Variants in SLC24A3 observed in about 807,000 individuals in gnomAD.
The protein encoded by SLC24A3 is sodium/potassium/calcium exchanger 3.
SLC24A3 carries 28 observed loss-of-function variants against 75.8 expected under a neutral mutation model. The ratio of observed to expected loss-of-function variants is 0.37; its 90% CI spans 0.27 to 0.51. The LOEUF (loss-of-function observed/expected upper bound fraction) is 0.51. Ranked by LOEUF, SLC24A3 falls within the 20% of genes least tolerant of loss-of-function variation. The pLI is 0.94. For missense variants in SLC24A3, 663 were observed against 847.8 expected, an observed-to-expected ratio of 0.78 and a Z score of 2.71; for synonymous variants, 372 against 334.1, an observed-to-expected ratio of 1.11 and a Z score of -1.24.
At chr20:19,686,812 C>A (rs11697432) in intron 12 of SLC24A3, among the ~76,000 whole-genome samples, 3,619 of 152,278 alleles carry the variant, frequency 0.024, 57 homozygotes, top group South Asian at 0.068. Flanking sequence ...ATTCCTATTC[C>A]CCCAGGTCCC....
intron 6 of SLC24A3, 38 bp from the exon 7 acceptor site, chr20:19,654,024 T>C (rs1046038890): frequency 1.9e-6 from 3 of 1,557,122 alleles, no homozygotes; most frequent in Non-Finnish European, 2.7e-6. Flanking sequence ...ATTTGTACAG[T>C]CTATATCCTG....
chr20:19,524,755 T>A (rs1278231864), intron 3 of SLC24A3, among the ~76,000 whole-genome samples: 2 of 152,228 alleles, frequency 1.3e-5, no homozygotes, highest in Non-Finnish European at 2.9e-5. Flanking sequence ...CAGATCTGCA[T>A]AACATAGTTA....
chr20:19,663,411 TCC>T (rs1568689513), intron 7 of SLC24A3, among the ~76,000 whole-genome samples: 9 of 4,692 alleles, frequency 1.9e-3, no homozygotes, highest in Non-Finnish European at 4.2e-3. Flanking sequence ...CTCCTCCACC[TCC>T]TCCTCCTCCT....
At chr20:19,558,530 T>C (rs1370873587) in intron 3 of SLC24A3, among the ~76,000 whole-genome samples, 1 of 152,212 alleles carries the variant, frequency 6.6e-6, no homozygotes, top group Admixed American at 6.5e-5. Context: ...ACAGTGCATT[T>C]GGTTGTTGTC....
intron 2 of SLC24A3, among the ~76,000 whole-genome samples, chr20:19,381,578 G>A (rs1986182734): frequency 6.6e-6 from 1 of 152,210 alleles, no homozygotes; most frequent in Non-Finnish European, 1.5e-5. Flanking sequence ...CAGAGCTTCT[G>A]TTATTCTATA....
intron 2 of SLC24A3, among the ~76,000 whole-genome samples, chr20:19,485,123 A>T (rs532953327): frequency 2.6e-5 from 4 of 152,040 alleles, no homozygotes; most frequent in African/African-American, 4.8e-5. Context: ...ATTTCTGTCA[A>T]TTTTTTTTAA....
At chr20:19,478,852 A>G (rs536920397) in intron 2 of SLC24A3, among the ~76,000 whole-genome samples, 5 of 152,302 alleles carry the variant, frequency 3.3e-5, no homozygotes, top group African/African-American at 4.8e-5. Flanking sequence ...TGCATCCCCA[A>G]AATAAAGCCC....
intron 2 of SLC24A3, among the ~76,000 whole-genome samples, chr20:19,296,317 T>G (rs980478021): frequency 4.7e-5 from 7 of 148,928 alleles, no homozygotes; most frequent in African/African-American, 1.7e-4. Context: ...ATTCATGGAT[T>G]TTTTGAAGGG....
At chr20:19,219,315 T>C (rs1431504939) in intron 1 of SLC24A3, among the ~76,000 whole-genome samples, 1 of 152,162 alleles carries the variant, frequency 6.6e-6, no homozygotes, top group African/African-American at 2.4e-5. Context: ...TGAAGCTCTC[T>C]CAGTGGGATC....
At chr20:19,465,935 C>G (rs1395641185) in intron 2 of SLC24A3, among the ~76,000 whole-genome samples, 1 of 152,174 alleles carries the variant, frequency 6.6e-6, no homozygotes, top group Non-Finnish European at 1.5e-5. Context: ...TTTTAAAGCC[C>G]TCTAGGAGCT....
At chr20:19,598,606 C>A (rs1359126318) in intron 6 of SLC24A3, among the ~76,000 whole-genome samples, 1 of 151,914 alleles carries the variant, frequency 6.6e-6, no homozygotes, top group Non-Finnish European at 1.5e-5. Flanking sequence ...TGACTTTCTC[C>A]CACAGTGAAA....
At chr20:19,234,372 A>C (rs1027715640) in intron 1 of SLC24A3, among the ~76,000 whole-genome samples, 1 of 152,230 alleles carries the variant, frequency 6.6e-6, no homozygotes, top group African/African-American at 2.4e-5. Flanking sequence ...GCTGTGAAAC[A>C]GGGCAGCCAG....
At chr20:19,475,067 G>A (rs772293725) in intron 2 of SLC24A3, among the ~76,000 whole-genome samples, 13 of 152,156 alleles carry the variant, frequency 8.5e-5, no homozygotes, top group Non-Finnish European at 1.6e-4. Flanking sequence ...GGCTGGGCGC[G>A]GTGGCTCACG....
intron 12 of SLC24A3, among the ~76,000 whole-genome samples, chr20:19,688,200 T>G (rs1361824152): frequency 6.6e-6 from 1 of 152,122 alleles, no homozygotes; most frequent in Non-Finnish European, 1.5e-5. Context: ...GAGTCTGCAT[T>G]GCTAATCAAG....
intron 2 of SLC24A3, among the ~76,000 whole-genome samples, chr20:19,294,100 G>T (rs1367822738): frequency 6.6e-6 from 1 of 152,240 alleles, no homozygotes; most frequent in South Asian, 2.1e-4. Flanking sequence ...TGGATTCAAT[G>T]TAGTACTTGA....
At chr20:19,623,236 A>C (rs968494466) in intron 6 of SLC24A3, among the ~76,000 whole-genome samples, 1 of 152,248 alleles carries the variant, frequency 6.6e-6, no homozygotes, top group Admixed American at 6.5e-5. Flanking sequence ...ACATTGAAAA[A>C]GCCAGCACTG....
chr20:19,626,024 G>GC (rs2031861544), intron 6 of SLC24A3, among the ~76,000 whole-genome samples: 1 of 151,746 alleles, frequency 6.6e-6, no homozygotes, highest in African/African-American at 2.4e-5. Flanking sequence ...CCTGAGTTTA[G>GC]CCCACCTGAC....
intron 3 of SLC24A3, among the ~76,000 whole-genome samples, chr20:19,533,365 C>T (rs1234457478): frequency 6.6e-6 from 1 of 152,182 alleles, no homozygotes; most frequent in Non-Finnish European, 1.5e-5. Flanking sequence ...TTCGTGGCTA[C>T]CCCTGAAACT....
At chr20:19,374,925 A>G (rs1986056362) in intron 2 of SLC24A3, among the ~76,000 whole-genome samples, 1 of 152,190 alleles carries the variant, frequency 6.6e-6, no homozygotes, top group South Asian at 2.1e-4. Flanking sequence ...GAGTTGGTGT[A>G]TAAATACCCC....
Sources: allele counts gnomAD v4.1 joint callset (sites outside exome capture counted in the v4.1 genomes callset), GRCh38; gene constraint gnomAD v4.1.1; transcripts MANE v1.5; gene names NCBI Gene and HGNC (gene_info 2026-07-23, HGNC 2026-07-21).